The following FARS2 variants were observed in gnomAD, a reference collection of about 807,000 sequenced individuals.
FARS2 encodes phenylalanine--tRNA ligase, mitochondrial.
FARS2 carries 40 observed loss-of-function variants against 46.4 expected under a neutral mutation model. That is an observed-to-expected ratio of 0.86 (90% confidence interval 0.67 to 1.12). FARS2 has a LOEUF of 1.12. FARS2 is among the 50% of genes most tolerant of loss of function. The pLI, the probability that FARS2 is intolerant of heterozygous loss-of-function variation, is 0.00. For missense variants in FARS2, 513 were observed against 567.9 expected, an observed-to-expected ratio of 0.90 and a Z score of 0.98; for synonymous variants, 234 against 214.9, an observed-to-expected ratio of 1.09 and a Z score of -0.78.
intron 6 of FARS2, among the ~76,000 whole-genome samples, chr6:5,739,752 C>A (rs969991493): frequency 6.6e-6 from 1 of 152,164 alleles, no homozygotes; most frequent in Non-Finnish European, 1.5e-5. Flanking sequence ...GTTCCCCTAC[C>A]CAGAACGGTA....
At chr6:5,266,049 G>T (rs955136921) in intron 1 of FARS2, among the ~76,000 whole-genome samples, 7 of 152,192 alleles carry the variant, frequency 4.6e-5, no homozygotes, top group African/African-American at 1.7e-4. Flanking sequence ...GAGGATTTAA[G>T]TTTCTCCTGG....
At chr6:5,416,633 ATGT>A (rs569790100) in intron 3 of FARS2, among the ~76,000 whole-genome samples, 98 of 152,164 alleles carry the variant, frequency 6.4e-4, no homozygotes, top group Non-Finnish European at 1.1e-3. Flanking sequence ...GTTATTATTG[ATGT>A]TGTTGGATTG....
At chr6:5,485,433 A>T (rs1766716161) in intron 4 of FARS2, among the ~76,000 whole-genome samples, 1 of 150,894 alleles carries the variant, frequency 6.6e-6, no homozygotes. Context: ...GGGAAATAGG[A>T]AACTTCTCAC....
At chr6:5,672,923 G>T in intron 6 of FARS2, among the ~76,000 whole-genome samples, 1 of 152,174 alleles carries the variant, frequency 6.6e-6, no homozygotes, top group East Asian at 1.9e-4. Flanking sequence ...CAATTAAAGA[G>T]CCCTCTGGGC....
chr6:5,717,491 C>T (rs1759576405), intron 6 of FARS2, among the ~76,000 whole-genome samples: 1 of 151,764 alleles, frequency 6.6e-6, no homozygotes, highest in Admixed American at 6.6e-5. Context: ...GGAATTTTGC[C>T]AGTTGTATCC....
the FARS2 span, among the ~76,000 whole-genome samples, chr6:5,250,701 C>T: frequency 6.8e-6 from 1 of 147,170 alleles, no homozygotes; most frequent in East Asian, 2.0e-4. Flanking sequence ...ATATGAAATC[C>T]AGTAATATAA....
intron 4 of FARS2, among the ~76,000 whole-genome samples, chr6:5,536,272 C>G (rs138656948): frequency 5.9e-5 from 9 of 152,082 alleles, no homozygotes; most frequent in African/African-American, 1.9e-4. Context: ...ACCTCATGAT[C>G]TGCCCACCTC....
At chr6:5,378,292 T>C (rs893391328) in intron 2 of FARS2, among the ~76,000 whole-genome samples, 1 of 152,122 alleles carries the variant, frequency 6.6e-6, no homozygotes, top group Non-Finnish European at 1.5e-5. Flanking sequence ...GGTGAGGGGC[T>C]CCTTCCACGG....
intron 5 of FARS2, chr6:5,609,811 T>G: frequency 8.3e-7 from 1 of 1,204,814 alleles, no homozygotes; most frequent in Non-Finnish European, 1.2e-6. Flanking sequence ...TTCCAAACTG[T>G]TCAAAATAAT....
At chr6:5,376,706 CAT>C (rs1269748574) in intron 2 of FARS2, among the ~76,000 whole-genome samples, 2 of 152,194 alleles carry the variant, frequency 1.3e-5, no homozygotes, top group Non-Finnish European at 2.9e-5. Flanking sequence ...ACTAAACTAT[CAT>C]ATCTTTTTAA....
chr6:5,619,602 A>G (rs192397893), intron 6 of FARS2, among the ~76,000 whole-genome samples: 11 of 152,220 alleles, frequency 7.2e-5, no homozygotes, highest in Admixed American at 2.6e-4. Flanking sequence ...TTTGTGATCT[A>G]TCACTTGCCA....
At chr6:5,341,927 GAT>G (rs1406241466) in intron 1 of FARS2, among the ~76,000 whole-genome samples, 1 of 152,186 alleles carries the variant, frequency 6.6e-6, no homozygotes, top group African/African-American at 2.4e-5. Flanking sequence ...AAAAAAATGA[GAT>G]AGGTAATATA....
chr6:5,686,352 C>T (rs562277006), intron 6 of FARS2, among the ~76,000 whole-genome samples: 1 of 150,744 alleles, frequency 6.6e-6, no homozygotes, highest in African/African-American at 2.5e-5. Context: ...TCCCCCCCCG[C>T]TGCCCACACC....
chr6:5,572,032 A>G (rs952498212), intron 5 of FARS2, among the ~76,000 whole-genome samples: 16 of 152,060 alleles, frequency 1.1e-4, no homozygotes, highest in African/African-American at 2.4e-5. Context: ...TCAGCCCCCA[A>G]AGTTATCTTT....
chr6:5,413,481 T>A (rs1762052339), intron 3 of FARS2, among the ~76,000 whole-genome samples: 1 of 152,142 alleles, frequency 6.6e-6, no homozygotes, highest in South Asian at 2.1e-4. Context: ...CTAGAAACCA[T>A]TAAGATTTAG....
chr6:5,503,194 A>G (rs570596082), intron 4 of FARS2, among the ~76,000 whole-genome samples: 17 of 148,478 alleles, frequency 1.1e-4, no homozygotes, highest in African/African-American at 4.1e-4. Context: ...AATAAAATAT[A>G]TAAAAATATT....
intron 2 of FARS2, among the ~76,000 whole-genome samples, chr6:5,370,560 G>A (rs564810873): frequency 2.0e-4 from 30 of 152,178 alleles, no homozygotes; most frequent in African/African-American, 7.2e-4. Context: ...GTAATATGAC[G>A]TCCAGGTCAC....
intron 6 of FARS2, among the ~76,000 whole-genome samples, chr6:5,762,088 A>T (rs551422295): frequency 1.3e-5 from 2 of 152,202 alleles, no homozygotes; most frequent in Non-Finnish European, 1.5e-5. Context: ...TCAGTGATCC[A>T]TCTGTACAGA....
intron 1 of FARS2, among the ~76,000 whole-genome samples, chr6:5,302,133 C>T (rs1304771148): frequency 1.3e-5 from 2 of 152,184 alleles, no homozygotes; most frequent in Non-Finnish European, 2.9e-5. Context: ...CAGAACTTTC[C>T]TCTAGAGCTC....
Sources: gnomAD v4.1 joint callset for allele counts (sites outside exome capture counted in the v4.1 genomes callset) on GRCh38, gnomAD v4.1.1 for gene constraint, MANE v1.5 for transcripts, NCBI Gene and HGNC (gene_info 2026-07-23, HGNC 2026-07-21) for gene names.